GPATCH1: variants seen among roughly 807,000 people sequenced by gnomAD.
GPATCH1 encodes the protein G patch domain-containing protein 1.
A neutral mutation model predicts 114.9 loss-of-function variants in GPATCH1; 73 were observed. The ratio of observed to expected loss-of-function variants is 0.64; its 90% CI spans 0.53 to 0.77. The LOEUF is 0.77. Ranked by LOEUF, GPATCH1 falls within the 30% of genes least tolerant of loss-of-function variation. The pLI, the probability that GPATCH1 is intolerant of heterozygous loss-of-function variation, is 0.00. For missense variants in GPATCH1, 1,058 were observed against 1,144.3 expected, an observed-to-expected ratio of 0.92 and a Z score of 1.09; for synonymous variants, 391 against 428.4, an observed-to-expected ratio of 0.91 and a Z score of 1.08.
At chr19:33,108,046 C>G (rs1402721657) in intron 10 of GPATCH1, among the ~76,000 whole-genome samples, 1 of 152,012 alleles carries the variant, frequency 6.6e-6, no homozygotes, top group Non-Finnish European at 1.5e-5. Context: ...TCGGTCCTCC[C>G]GCACCCTCCC....
At chr19:33,117,716 G>T (rs758775735) in intron 15 of GPATCH1, 109 bp from the exon 16 acceptor site, 2 of 758,932 alleles carry the variant, frequency 2.6e-6, no homozygotes, top group East Asian at 2.5e-5. Flanking sequence ...GGATACCCAT[G>T]TACATGAGCA....
intron 15 of GPATCH1, 27 bp from the exon 16 acceptor site, chr19:33,117,798 C>T: frequency 6.5e-7 from 1 of 1,545,110 alleles, no homozygotes; most frequent in Non-Finnish European, 8.9e-7. Flanking sequence ...CTCTGTATCC[C>T]TGACTCTTAT....
At chr19:33,112,329 A>AC (rs1257989052) in intron 12 of GPATCH1, among the ~76,000 whole-genome samples, 157 bp from the exon 13 acceptor site, 1 of 152,162 alleles carries the variant, frequency 6.6e-6, no homozygotes, top group African/African-American at 2.4e-5. Flanking sequence ...AGAATAGGAA[A>AC]CCATTTTATG....
intron 5 of GPATCH1, 84 bp from the exon 6 acceptor site, chr19:33,095,678 A>G (rs1260226327): frequency 1.1e-6 from 1 of 875,896 alleles, no homozygotes; most frequent in African/African-American, 1.6e-5. Flanking sequence ...CTGGGATTAC[A>G]GGTGTGATCC....
At chr19:33,099,741 G>C (rs1972703570) in intron 8 of GPATCH1, among the ~76,000 whole-genome samples, 1 of 150,950 alleles carries the variant, frequency 6.6e-6, no homozygotes, top group Non-Finnish European at 1.5e-5. Context: ...TGGGATTACA[G>C]GTGTGCACCA....
chr19:33,088,266 A>G lies in GPATCH1; in HGVS notation c.206A>G (p.Glu69Gly). 2.5e-6 allele frequency: 4 copies of G among 1,596,244 alleles called. No homozygotes were observed. In the South Asian group the frequency reaches 4.5e-5, roughly 18 times the overall value. Residue 69 changes from glutamate to glycine, a missense_variant and splice_region_variant, in exon 2 of 20, where the codon GAA becomes GGA. Glu to Gly is a moderately conservative substitution (Grantham distance 98). Around this residue, in one of 3 missense-constraint regions of GPATCH1, gnomAD observed 131 missense variants for 107.2 expected, o/e 1.22. Coordinates refer to ENST00000170564, the MANE Select transcript of GPATCH1 (RefSeq NM_018025.3). ...TACTTCAATACTGTTGGCTCAAAAG[A>G]AGGTATCATTTTCCTAATTGTAGCT... ...AGYFNTVGSK[E>G]GWTPSTFVSS...
rs778676911 is a variant in GPATCH1, at chr19:33,101,564, C to G, written c.1070C>G (p.Ser357Cys). 1 of 1,572,306 alleles carries G rather than the reference C, an allele frequency of 6.4e-7. No homozygotes were observed. The highest frequency in any genetic ancestry group is 8.7e-7 in the Non-Finnish European group (1 of 1,145,448). Reference sequence around the variant, plus strand: ...TTTTCCTTGGCTTCTAAACCTTTATCTTCTAAGAAAGTAAGAAAAACTTTT... The same window carrying G: ...TTTTCCTTGGCTTCTAAACCTTTATGTTCTAAGAAAGTAAGAAAAACTTTT... ...DGFSLASKPL[S>C]SKKIYPPPEL... Residue 357 changes from serine to cysteine, a missense_variant, in exon 9 of 20, where the codon TCT (serine) becomes TGT (cysteine). Ser to Cys is a moderately radical substitution (Grantham distance 112). Transcript: ENST00000170564.
At chr19:33,098,900 CT>C (rs904159815) in intron 8 of GPATCH1, among the ~76,000 whole-genome samples, 14 of 147,944 alleles carry the variant, frequency 9.5e-5, no homozygotes, top group South Asian at 2.1e-4. Context: ...TACTTACTTC[CT>C]TTTTTTTTTC....
At chr19:33,120,069 A>ATT (rs567540274) in intron 17 of GPATCH1, among the ~76,000 whole-genome samples, 21,625 of 138,606 alleles carry the variant, frequency 0.16, 1,898 homozygotes, top group East Asian at 0.35. Flanking sequence ...TTATATATAT[A>ATT]TAAAATATAA....
At chr19:33,091,264 A>G (rs7246225) in intron 3 of GPATCH1, among the ~76,000 whole-genome samples, 30,576 of 151,616 alleles carry the variant, frequency 0.2, 4,478 homozygotes, top group African/African-American at 0.4. Flanking sequence ...AATACAAAAA[A>G]TTAGCCGGGT....
chr19:33,119,238 T>A (rs781473377), intron 17 of GPATCH1, 121 bp downstream of exon 17: 6 of 539,012 alleles, frequency 1.1e-5, no homozygotes, highest in Middle Eastern at 3.8e-4. Flanking sequence ...ATGTTTTCAG[T>A]CATATTTTAA....
chr19:33,130,179 C>G lies in GPATCH1; in HGVS notation c.*19C>G. On this transcript the variant is annotated 3_prime_UTR_variant, in exon 20 of 20. Transcript: ENST00000170564. Reference sequence around the variant, plus strand: ...GCAGTAATTGAATGCTGCCCTGGCTCGTCCTAGAATCATTTCTCCTCCATG... The same window carrying G: ...GCAGTAATTGAATGCTGCCCTGGCTGGTCCTAGAATCATTTCTCCTCCATG... 10 of 1,579,692 alleles carry G rather than the reference C, an allele frequency of 6.3e-6. No individual in the cohort carries two copies. The highest frequency in any genetic ancestry group is 8.7e-6 in the Non-Finnish European group (10 of 1,148,676).
Position 33,126,693 on chromosome 19 carries a change from G to A in GPATCH1, c.2725G>A (p.Glu909Lys), listed in dbSNP as rs16967824. ...CGACAGCAGCGACAGCCAGAGTGACGAGGAAACCGCAGACGTGTCGCCCCA... is the reference window on the plus strand; with the variant it reads ...CGACAGCAGCGACAGCCAGAGTGACAAGGAAACCGCAGACGTGTCGCCCCA... ...SSDSSDSQSD[E>K]ETADVSPQEL... Residue 909 changes from glutamate (E) to lysine (K), a missense_variant, in exon 19 of 20, where the codon GAG becomes AAG. Physicochemically the swap from Glu to Lys is moderately conservative, Grantham distance 56. Coordinates refer to ENST00000170564, the MANE Select transcript of GPATCH1 (RefSeq NM_018025.3). 6,392 of 1,613,928 alleles carry A rather than the reference G, an allele frequency of 4.0e-3. 211 individuals carry two copies. The African/African-American group carries it at 0.074, about 19-fold the overall frequency.
chr19:33,113,626 G>A (rs764887120), intron 13 of GPATCH1, 141 bp from the exon 14 acceptor site: 115 of 618,876 alleles, frequency 1.9e-4, no homozygotes, highest in Non-Finnish European at 2.8e-4. Context: ...CCAGATTCTC[G>A]AACTGCTTTG....
rs1973025621 is a variant in GPATCH1 at position 33,125,115 on chromosome 19, GAC to G, written c.2535_2536del (p.Leu846Ter). ...PPVFCPNARQTLEVPQKEKHK... is the reference protein window; with the variant it reads ...PPVFCPNARQXLEVPQKEKHK... ...ACCTTTGTGTTTCAGATGCTCGTCA[GAC>G]ACTTGAGGTTCCTCAAAAAGAGAAA... is the stretch of plus-strand genomic sequence containing the variant. On this transcript the variant is annotated frameshift_variant, in exon 18 of 20. Coordinates refer to ENST00000170564, the MANE Select transcript of GPATCH1 (RefSeq NM_018025.3). LOFTEE classifies it high-confidence loss of function. 6.3e-7 allele frequency: 1 copy of G among 1,599,086 alleles called. No individual in the cohort carries two copies. The highest frequency in any genetic ancestry group is 8.5e-7 in the Non-Finnish European group (1 of 1,172,682).
chr19:33,085,010 C>T (rs965237727), intron 1 of GPATCH1, among the ~76,000 whole-genome samples: 1 of 146,228 alleles, frequency 6.8e-6, no homozygotes, highest in African/African-American at 2.8e-5. Flanking sequence ...GTCAGTGGCT[C>T]TGTGTCCCTA....
At position 33,126,683 on chromosome 19, in the gene GPATCH1, C is replaced by G; in HGVS notation, c.2715C>G (p.Ser905Arg). The change falls in exon 19 of 20, where the codon AGC becomes AGG. Residue 905 changes from serine (S) to arginine (R), a missense_variant. Coordinates refer to ENST00000170564, the MANE Select transcript of GPATCH1 (RefSeq NM_018025.3). ...SSSESSDSSD[S>R]QSDEETADVS... ...CCGAGAGTTCCGACAGCAGCGACAG[C>G]CAGAGTGACGAGGAAACCGCAGACG... The G allele has an allele frequency of 1.9e-6, 3 of 1,613,964 alleles. No individual in the cohort carries two copies. Among genetic ancestry groups the G allele is most frequent in the Non-Finnish European group, 2.5e-6 (3 of 1,179,980 alleles).
chr19:33,104,146 A>G (rs1043091581), intron 9 of GPATCH1, among the ~76,000 whole-genome samples: 1 of 151,484 alleles, frequency 6.6e-6, no homozygotes, highest in African/African-American at 2.4e-5. Context: ...CCTGGGCAAC[A>G]TGGTGAAACC....
intron 9 of GPATCH1, among the ~76,000 whole-genome samples, chr19:33,105,287 C>G (rs1184095345): frequency 1.3e-5 from 2 of 151,274 alleles, no homozygotes; most frequent in Non-Finnish European, 2.9e-5. Flanking sequence ...CAAAAATTAG[C>G]CAGGCATGGT....
Sources: gnomAD v4.1 joint callset for allele counts (sites outside exome capture counted in the v4.1 genomes callset) on GRCh38, gnomAD v4.1.1 for gene constraint, gnomAD v4.1.1 regional missense constraint, MANE v1.5 for transcripts, NCBI Gene and HGNC (gene_info 2026-07-23, HGNC 2026-07-21) for gene names.